The following KIF14 variants were observed in gnomAD, a reference collection of about 807,000 sequenced individuals.
The protein encoded by KIF14 is kinesin-like protein KIF14.
Under a neutral mutation model 176.2 loss-of-function variants are expected in KIF14, and 98 were observed. The ratio of observed to expected loss-of-function variants is 0.56; its 90% CI spans 0.47 to 0.66. The LOEUF is 0.66. Ranked by LOEUF, KIF14 falls within the 30% of genes least tolerant of loss-of-function variation. The pLI, the probability that KIF14 is intolerant of heterozygous loss-of-function variation, is 0.00. For missense variants in KIF14, 1,751 were observed against 1,920.4 expected (o/e 0.91, Z 1.65); for synonymous variants, 566 against 632.2 (o/e 0.90, Z 1.57).
chr1:200,587,848 G>GT (rs1014549727), intron 18 of KIF14, among the ~76,000 whole-genome samples: 3 of 152,038 alleles, frequency 2.0e-5, no homozygotes, highest in Non-Finnish European at 4.4e-5. Flanking sequence ...AATCATAATT[G>GT]TTTTTCAAGA....
chr1:200,590,346 T>G (rs1658991220), intron 16 of KIF14, 74 bp from the exon 17 acceptor site: 2 of 1,269,906 alleles, frequency 1.6e-6, no homozygotes, highest in Non-Finnish European at 2.1e-6. Flanking sequence ...TTAATCCTAC[T>G]GAAAAGTTTT....
At chr1:200,614,617 G>A (rs1660314395) in intron 3 of KIF14, among the ~76,000 whole-genome samples, 1 of 151,724 alleles carries the variant, frequency 6.6e-6, no homozygotes, top group African/African-American at 2.4e-5. Context: ...TGTAAAACAG[G>A]AATAATACAA....
intron 13 of KIF14, among the ~76,000 whole-genome samples, chr1:200,599,132 C>T (rs1352467797): frequency 6.6e-6 from 1 of 152,150 alleles, no homozygotes; most frequent in East Asian, 1.9e-4. Context: ...CATCTTATAT[C>T]CTATGCCAGG....
At chr1:200,574,691 C>T (rs1657996401) in intron 22 of KIF14, among the ~76,000 whole-genome samples, 1 of 152,088 alleles carries the variant, frequency 6.6e-6, no homozygotes, top group South Asian at 2.1e-4. Context: ...TCCATAATAC[C>T]ATTTTGCCTC....
At chr1:200,584,126 G>A (rs1045664801) in intron 19 of KIF14, among the ~76,000 whole-genome samples, 61 of 149,336 alleles carry the variant, frequency 4.1e-4, no homozygotes, top group Non-Finnish European at 1.8e-4. Flanking sequence ...GCTGAGGCAG[G>A]AGAATCACTT....
chr1:200,566,540 C>A (rs905247432), intron 23 of KIF14, among the ~76,000 whole-genome samples: 1 of 151,344 alleles, frequency 6.6e-6, no homozygotes, highest in African/African-American at 2.4e-5. Flanking sequence ...TTACAGTGAG[C>A]CGATATGGCA....
chr1:200,579,659 T>A (rs1010831453), intron 21 of KIF14, among the ~76,000 whole-genome samples: 4 of 152,026 alleles, frequency 2.6e-5, no homozygotes, highest in African/African-American at 9.7e-5. Flanking sequence ...GTAACATTGG[T>A]AAAATGGCAA....
intron 25 of KIF14, among the ~76,000 whole-genome samples, chr1:200,561,936 G>A (rs6427834): frequency 0.79 from 120,722 of 152,062 alleles, 48,267 homozygotes; most frequent in African/African-American, 0.89. Context: ...AAAAGGGATG[G>A]AAAAAACCCC....
At chr1:200,614,854 A>ATTTCTT (rs1274579308) in intron 3 of KIF14, among the ~76,000 whole-genome samples, 42 of 143,296 alleles carry the variant, frequency 2.9e-4, no homozygotes, top group Admixed American at 7.7e-4. Flanking sequence ...AATGCTGAGT[A>ATTTCTT]TTTCTTTCTA....
intron 4 of KIF14, among the ~76,000 whole-genome samples, chr1:200,610,397 C>T (rs1660096654): frequency 6.6e-6 from 1 of 151,416 alleles, no homozygotes. Context: ...GTAGTCCCAG[C>T]TACTCAGGAG....
At position 200,605,861 on chromosome 1, in the gene KIF14, T is replaced by C. The variant is rs754987330; in HGVS notation, c.1638+3A>G. ...AGTGAAAAGAAAACAAAATCAATCT[T>C]ACCTGGATATCAGCGTAAGAACTGA... On this transcript the variant is annotated splice_donor_region_variant and intron_variant, in intron 7 of 29. Coordinates refer to ENST00000367350, the MANE Select transcript of KIF14 (RefSeq NM_014875.3). The C allele has an allele frequency of 2.0e-6, 3 of 1,519,634 alleles. No homozygotes were observed. The highest frequency in any genetic ancestry group is 1.7e-4 in the Middle Eastern group (1 of 5,778). The allele number at this position is 1,519,634 out of a possible 1,614,324, so 94.1% of individuals were successfully genotyped here.
chr1:200,575,722 A>C (rs769398446), intron 21 of KIF14, 31 bp from the exon 22 acceptor site: 12 of 1,274,424 alleles, frequency 9.4e-6, no homozygotes, highest in Non-Finnish European at 1.2e-5. Flanking sequence ...AGTTTCAGTA[A>C]ATTTGGGGTG....
At chr1:200,587,641 C>A (rs1362583161) in intron 18 of KIF14, among the ~76,000 whole-genome samples, 1 of 151,902 alleles carries the variant, frequency 6.6e-6, no homozygotes, top group Non-Finnish European at 1.5e-5. Flanking sequence ...GGTGAAACCC[C>A]GTCTCTACTA....
chr1:200,567,781 A>G (rs1657550597), intron 23 of KIF14, among the ~76,000 whole-genome samples: 1 of 151,974 alleles, frequency 6.6e-6, no homozygotes, highest in Non-Finnish European at 1.5e-5. Context: ...AAAAGGAGGT[A>G]GAATAAAGGC....
In KIF14 at chr1:200,586,082, A is replaced by T. The variant is rs1383566346; in HGVS notation, c.3241+19T>A. On this transcript the variant is annotated intron_variant, in intron 19 of 29. Transcript: ENST00000367350. ...TGCATAATTTTAGAAAATGTTTGCT[A>T]AAATCAGCACACACTTACCTGTAAA... 2.1e-6 allele frequency: 3 copies of T among 1,459,720 alleles called. No homozygotes were observed. Among genetic ancestry groups the T allele is most frequent in the Non-Finnish European group, 2.7e-6 (3 of 1,091,316 alleles). 90.4% of individuals were successfully genotyped at this position (1,459,720 alleles called of 1,614,324 possible).
In KIF14 at chr1:200,593,724, C is replaced by A. The variant is rs1307552363; in HGVS notation, c.2595G>T (p.Gly865=). 9 of 1,612,724 alleles carry A rather than the reference C, an allele frequency of 5.6e-6. No individual in the cohort carries two copies. The highest frequency in any genetic ancestry group is 6.8e-6 in the Non-Finnish European group (8 of 1,179,168). The change falls in exon 15 of 30, where the codon GGG becomes GGT. Residue 865 remains glycine (G), a synonymous_variant. Transcript: ENST00000367350. ...FGGTVSIIPV[G]EAKTYVNGKH... Reference sequence around the variant, plus strand: ...TTCCATTTACATATGTCTTTGCTTCCCCAACTGGGATAATACTCACTGTCC... The same window carrying A: ...TTCCATTTACATATGTCTTTGCTTCACCAACTGGGATAATACTCACTGTCC...
chr1:200,563,403 C>T (rs542082349), intron 25 of KIF14, among the ~76,000 whole-genome samples: 4 of 152,158 alleles, frequency 2.6e-5, no homozygotes, highest in Middle Eastern at 3.4e-3. Context: ...CTCACTCTGT[C>T]ATCCAGGCTG....
At chr1:200,576,993 C>T (rs905983305) in intron 21 of KIF14, among the ~76,000 whole-genome samples, 6 of 151,974 alleles carry the variant, frequency 3.9e-5, no homozygotes, top group Admixed American at 3.3e-4. Context: ...CCACATCTGT[C>T]TAATTTTCAG....
At chr1:200,573,586 G>T (rs560874277) in intron 22 of KIF14, among the ~76,000 whole-genome samples, 2 of 151,888 alleles carry the variant, frequency 1.3e-5, no homozygotes, top group Non-Finnish European at 2.9e-5. Flanking sequence ...ACAGGCGCCC[G>T]CCACCGCGCC....
Sources: gnomAD v4.1 joint callset for allele counts (sites outside exome capture counted in the v4.1 genomes callset) on GRCh38, gnomAD v4.1.1 for gene constraint, MANE v1.5 for transcripts, NCBI Gene and HGNC (gene_info 2026-07-23, HGNC 2026-07-21) for gene names.